Variants in TLK1 observed in about 807,000 individuals in gnomAD.
TLK1 encodes tousled like kinase 1.
In TLK1, 24 loss-of-function variants were observed where a neutral mutation model predicts 105.3. That is an observed-to-expected ratio of 0.23 (90% CI 0.17 to 0.32). The LOEUF is 0.32. Ranked by LOEUF, TLK1 falls within the 10% of genes least tolerant of loss-of-function variation. The pLI, the probability that TLK1 is intolerant of heterozygous loss-of-function variation, is 1.00. For missense variants in TLK1, 558 were observed against 910.5 expected (o/e 0.61, Z 4.98); for synonymous variants, 321 against 310.4 (o/e 1.03, Z -0.36).
rs1692769148 is a variant in TLK1, at chr2:171,173,687, G to T, written c.-5-55830C>A. Among the ~76,000 whole-genome samples the T allele has an allele frequency of 2.0e-5, 3 of 152,086 alleles. No individual in the cohort carries two copies. In the South Asian group the frequency reaches 6.2e-4, roughly 32 times the overall value. ...ATTATAGGTGTGAGCCATCACATCTGGCCCAATGATGACTCTTTAATTTGT... is the reference window on the plus strand; with the variant it reads ...ATTATAGGTGTGAGCCATCACATCTTGCCCAATGATGACTCTTTAATTTGT... On this transcript the variant is annotated intron_variant, in intron 1 of 20. Transcript: ENST00000521943.
rs541590894 is a variant in TLK1 at position 171,122,066 on chromosome 2, A to C, written c.140-4209T>G. On this transcript the variant is annotated intron_variant, in intron 1 of 20. Transcript: ENST00000431350. ...GGTTCAAGCGATTCTCCTGCCTCAG[A>C]CTCCTGAGTGGCTGGGACTACAGGT... Among the ~76,000 whole-genome samples the C allele has an allele frequency of 1.8e-4, 27 of 151,892 alleles. 1 individual carries two copies. In the South Asian group the frequency reaches 4.6e-3, roughly 26 times the overall value.
chr2:171,068,954 AAAG>A (rs1688134008), intron 3 of TLK1, among the ~76,000 whole-genome samples: 1 of 152,220 alleles, frequency 6.6e-6, no homozygotes, highest in Non-Finnish European at 1.5e-5. Context: ...TTTTTAAACT[AAAG>A]AATAAAATTC....
At chr2:171,205,456 G>A (rs985702904) in intron 1 of TLK1, among the ~76,000 whole-genome samples, 1 of 151,996 alleles carries the variant, frequency 6.6e-6, no homozygotes, top group Non-Finnish European at 1.5e-5. Flanking sequence ...CTGAATAGCT[G>A]GGACTACAGG....
At chr2:171,052,948 A>G (rs79370378) in intron 8 of TLK1, among the ~76,000 whole-genome samples, 2,430 of 152,240 alleles carry the variant, frequency 0.016, 65 homozygotes, top group African/African-American at 0.053. Flanking sequence ...ATCATCATCA[A>G]CTTGATCAGA....
At chr2:171,055,768 T>C (rs990967978) in intron 6 of TLK1, among the ~76,000 whole-genome samples, 1 of 151,942 alleles carries the variant, frequency 6.6e-6, no homozygotes, top group Non-Finnish European at 1.5e-5. Flanking sequence ...AAACCAAGTA[T>C]GTCTAAAGAC....
chr2:171,078,277 CACCT>C (rs1688602276), intron 3 of TLK1, among the ~76,000 whole-genome samples: 1 of 152,194 alleles, frequency 6.6e-6, no homozygotes, highest in Non-Finnish European at 1.5e-5. Context: ...TGGTGGCTCA[CACCT>C]GTAATCCCAG....
In TLK1 at chr2:170,998,044, CTT is replaced by C. The variant is rs869032453; in HGVS notation, c.1905-223_1905-222del. Among the ~76,000 whole-genome samples the C allele has an allele frequency of 4.2e-3, 576 of 137,102 alleles. 6 individuals carry two copies. Among genetic ancestry groups the C allele is most frequent in the African/African-American group, 0.015 (515 of 35,108 alleles). The allele number at this position is 137,102 out of a possible 152,430, so 89.9% of individuals were successfully genotyped here. A position where few individuals can be genotyped will look rare whatever the true frequency, so the allele number is the denominator to read the frequency against. On this transcript the variant is annotated intron_variant, in intron 18 of 20. Transcript: ENST00000431350. ...TGTGATAAAGTTCATCTCTATCTAT[CTT>C]TATCTATCTATCTATCTATCTATCT... is the stretch of plus-strand genomic sequence containing the variant.
chr2:171,011,893 C>T (rs1020181298), intron 13 of TLK1, among the ~76,000 whole-genome samples: 2 of 151,710 alleles, frequency 1.3e-5, no homozygotes, highest in African/African-American at 2.4e-5. Context: ...TTACTGTCTT[C>T]GGACTTTTGT....
intron 11 of TLK1, among the ~76,000 whole-genome samples, chr2:171,042,134 T>C (rs1265856014): frequency 6.6e-6 from 1 of 152,204 alleles, no homozygotes; most frequent in Non-Finnish European, 1.5e-5. Context: ...CTATGACTAT[T>C]AGACTATAAT....
intron 3 of TLK1, among the ~76,000 whole-genome samples, chr2:171,075,992 C>T (rs900209624): frequency 3.3e-5 from 5 of 152,104 alleles, no homozygotes; most frequent in African/African-American, 9.7e-5. Context: ...ATGAAGTGGG[C>T]AGGTCACTTG....
At chr2:171,208,018 C>T (rs1392026619) in intron 1 of TLK1, among the ~76,000 whole-genome samples, 3 of 152,170 alleles carry the variant, frequency 2.0e-5, no homozygotes, top group Middle Eastern at 3.2e-3. Context: ...TGAGCCACTG[C>T]GCCCAGCCAG....
intron 4 of TLK1, among the ~76,000 whole-genome samples, chr2:171,059,120 C>A (rs1266123020): frequency 1.3e-5 from 2 of 152,152 alleles, no homozygotes; most frequent in Middle Eastern, 3.2e-3. Flanking sequence ...ACTACCAATG[C>A]TACCTAGAAA....
rs981762601 is a variant in TLK1 at position 171,020,679 on chromosome 2, T to C, written c.1237-5731A>G. Among the ~76,000 whole-genome samples the C allele has an allele frequency of 2.0e-5, 3 of 152,128 alleles. No homozygotes were observed. The South Asian group carries it at 6.2e-4, about 31-fold the overall frequency. On this transcript the variant is annotated intron_variant, in intron 12 of 20. Coordinates refer to ENST00000431350, the MANE Select transcript of TLK1 (RefSeq NM_012290.5). ...TATATGCTTTCCCATATTCTAAATA[T>C]GAATGTGTGAGATATGAACCAACCA...
chr2:171,103,057 T>A (rs925675997), intron 2 of TLK1, among the ~76,000 whole-genome samples: 1 of 151,662 alleles, frequency 6.6e-6, no homozygotes, highest in African/African-American at 2.4e-5. Context: ...CAGCGTGAAG[T>A]GTGTTTGAGG....
chr2:171,154,908 T>G (rs1692175856), intron 1 of TLK1, among the ~76,000 whole-genome samples: 1 of 152,138 alleles, frequency 6.6e-6, no homozygotes, highest in Non-Finnish European at 1.5e-5. Context: ...TTATGAGAAT[T>G]TATGCTTAAA....
chr2:171,097,712 G>A (rs967636594), intron 2 of TLK1, among the ~76,000 whole-genome samples: 3 of 152,138 alleles, frequency 2.0e-5, no homozygotes, highest in Admixed American at 6.5e-5. Context: ...ATCATATGAG[G>A]TCAGGAATTG....
intron 11 of TLK1, among the ~76,000 whole-genome samples, chr2:171,042,825 T>A (rs1177866131): frequency 6.6e-6 from 1 of 151,794 alleles, no homozygotes; most frequent in African/African-American, 2.4e-5. Context: ...CAAGATAAAG[T>A]CACAGAAGCA....
In TLK1 at chr2:170,993,908, C is replaced by T. The variant is rs1345599625; in HGVS notation, c.2173G>A (p.Val725Met). ...TATGGGTCATTTGCCAGCTGGTGCA[C>T]ATCAAATCGATCTTCTTTTCGATAT... is the stretch of plus-strand genomic sequence containing the variant. ...LAYRKEDRFD[V>M]HQLANDPYLL... Residue 725 changes from valine (V) to methionine (M), a missense_variant, in exon 21 of 21, where the codon GTG (valine) becomes ATG (methionine). Physicochemically the swap from Val to Met is conservative, Grantham distance 21. This residue lies in a region of TLK1 where 218 missense variants were observed against 492.9 expected (regional missense o/e 0.44). Transcript: ENST00000431350. The T allele has an allele frequency of 1.9e-6, 3 of 1,611,738 alleles. No homozygotes were observed. Among genetic ancestry groups the T allele is most frequent in the East Asian group, 2.2e-5 (1 of 44,798 alleles).
At chr2:171,117,696 A>G (rs983589935) in intron 2 of TLK1, 43 bp downstream of exon 2, 9 of 1,478,008 alleles carry the variant, frequency 6.1e-6, no homozygotes, top group Non-Finnish European at 8.4e-6. Context: ...AGATCATTTA[A>G]TAGAAAGAAA....
Sources: gnomAD v4.1 joint callset for allele counts (sites outside exome capture counted in the v4.1 genomes callset) on GRCh38, gnomAD v4.1.1 for gene constraint, gnomAD v4.1.1 regional missense constraint, MANE v1.5 for transcripts, NCBI Gene and HGNC (gene_info 2026-07-23, HGNC 2026-07-21) for gene names.